The following SAMD14 variants were observed in gnomAD, a reference collection of about 807,000 sequenced individuals.
SAMD14 encodes the protein sterile alpha motif domain containing 14.
Under a neutral mutation model 46.2 loss-of-function variants are expected in SAMD14, and 27 were observed. The observed-to-expected ratio is 0.58, with a 90% CI of 0.43 to 0.81. The LOEUF is 0.81. Ranked by LOEUF, SAMD14 falls within the 30% of genes least tolerant of loss-of-function variation. The pLI, the probability that SAMD14 is intolerant of heterozygous loss-of-function variation, is 0.00. For missense variants in SAMD14, 559 were observed against 582.2 expected (o/e 0.96, Z 0.41); for synonymous variants, 241 against 254.3 (o/e 0.95, Z 0.50).
At chr17:50,127,907 C>T (rs1909409946) in intron 1 of SAMD14, among the ~76,000 whole-genome samples, 1 of 152,230 alleles carries the variant, frequency 6.6e-6, no homozygotes, top group Non-Finnish European at 1.5e-5. Context: ...CCTCCCTCCT[C>T]TCATTTGTCT....
chr17:50,115,601 T>G lies in SAMD14; in HGVS notation c.785A>C (p.Lys262Thr). 1.9e-6 allele frequency: 3 copies of G among 1,588,012 alleles called. No homozygotes were observed. Among genetic ancestry groups the G allele is most frequent in the Non-Finnish European group, 2.6e-6 (3 of 1,165,418 alleles). ...GSTTSPTCSP[K>T]HEGFSPKKSA... ...CTTCTTAGGGCTGAAGCCCTCGTGT[T>G]TAGGGGAGCAGGTGGGGGAGGTGGT... Residue 262 changes from lysine to threonine, a missense_variant, in exon 7 of 10, where the codon AAA becomes ACA. Lys to Thr is a moderately conservative substitution (Grantham distance 78). Coordinates refer to ENST00000330175, the MANE Select transcript of SAMD14 (RefSeq NM_001257359.2). This position sits in a 1 kb window ranked among gnomAD's most constrained non-coding sequence, Gnocchi z 5.3.
rs756522321 is a variant in SAMD14 at position 50,110,105 on chromosome 17, C to T, written c.*2788G>A. On this transcript the variant is annotated 3_prime_UTR_variant, in exon 10 of 10. Transcript: ENST00000330175. ...ACGTACCGCGTCAGCTAAGGGCCGC[C>T]GTGCATCTGCACCTGAGAGGACGGA... 6 of 1,594,028 alleles carry T rather than the reference C, an allele frequency of 3.8e-6. No individual in the cohort carries two copies. The highest frequency in any genetic ancestry group is 3.4e-5 in the South Asian group (3 of 88,840).
At chr17:50,122,188 A>T (rs1436187829) in intron 2 of SAMD14, among the ~76,000 whole-genome samples, 7 of 152,088 alleles carry the variant, frequency 4.6e-5, no homozygotes, top group Non-Finnish European at 8.8e-5. Context: ...GCCGCACCAC[A>T]CTACCATATG....
In SAMD14 at chr17:50,115,926, T is replaced by C. The variant is rs1392056930; in HGVS notation, c.588-22A>G. ...GACCCTGTGGGGAGGCAGCAGGAAG[T>C]GGGGCAGGGCTGCCCACTGTGCTAC... On this transcript the variant is annotated intron_variant, in intron 5 of 9. Coordinates refer to ENST00000330175, the MANE Select transcript of SAMD14 (RefSeq NM_001257359.2). The surrounding 1 kb of genome is among the most constrained non-coding windows in gnomAD (Gnocchi z 5.3). 6.2e-7 allele frequency: 1 copy of C among 1,612,830 alleles called. No individual in the cohort carries two copies. The highest frequency in any genetic ancestry group is 8.5e-7 in the Non-Finnish European group (1 of 1,179,476).
At position 50,112,970 on chromosome 17, in the gene SAMD14, C is replaced by G; in HGVS notation, c.1177G>C (p.Glu393Gln). The change falls in exon 10 of 10, where the codon GAG becomes CAG. Residue 393 changes from glutamate (E) to glutamine (Q), a missense_variant. Physicochemically the swap from Glu to Gln is conservative, Grantham distance 29. Coordinates refer to ENST00000330175, the MANE Select transcript of SAMD14 (RefSeq NM_001257359.2). ...LKEMAAAAEKERKAQEKAARQ... is the reference protein window; with the variant it reads ...LKEMAAAAEKQRKAQEKAARQ... Reference sequence around the variant, plus strand: ...GCAGCCTTCTCCTGGGCCTTGCGCTCCTTCTCGGCAGCTGCTGCCATCTCC... The same window carrying G: ...GCAGCCTTCTCCTGGGCCTTGCGCTGCTTCTCGGCAGCTGCTGCCATCTCC... 6.2e-7 allele frequency: 1 copy of G among 1,611,730 alleles called. No homozygotes were observed. Among genetic ancestry groups the G allele is most frequent in the Non-Finnish European group, 8.5e-7 (1 of 1,179,982 alleles).
In SAMD14 at chr17:50,112,081, G is replaced by A. The variant is rs1167055067; in HGVS notation, c.*812C>T. ...TTCCTGTTTGCTCAGCTCCCAAAGA[G>A]GACTTAGGTGCCCTCTGAGGAAGCA... On this transcript the variant is annotated 3_prime_UTR_variant, in exon 10 of 10. Transcript: ENST00000330175. 1 of 152,336 alleles carries A rather than the reference G, an allele frequency of 6.6e-6. No homozygotes were observed. Among genetic ancestry groups the A allele is most frequent in the Admixed American group, 6.5e-5 (1 of 15,280 alleles). 9.4% of individuals were successfully genotyped at this position (152,336 alleles called of 1,614,324 possible).
At position 50,113,689 on chromosome 17, in the gene SAMD14, C is replaced by T. The variant is rs1017405422; in HGVS notation, c.1098+235G>A. The T allele has an allele frequency of 1.4e-5, 8 of 558,958 alleles. No individual in the cohort carries two copies. The African/African-American group carries it at 1.5e-4, about 11-fold the overall frequency. The allele number at this position is 558,958 out of a possible 1,614,324, so 34.6% of individuals were successfully genotyped here. A position where few individuals can be genotyped will look rare whatever the true frequency, so the allele number is the denominator to read the frequency against. Reference sequence around the variant, plus strand: ...GACCAGGGCTGGAGCTTGAAGGTCACACTGAAGTCATGGACTAGAGTTTCA... The same window carrying T: ...GACCAGGGCTGGAGCTTGAAGGTCATACTGAAGTCATGGACTAGAGTTTCA... On this transcript the variant is annotated intron_variant, in intron 9 of 9. Coordinates refer to ENST00000330175, the MANE Select transcript of SAMD14 (RefSeq NM_001257359.2).
intron 2 of SAMD14, among the ~76,000 whole-genome samples, chr17:50,123,753 AAGCAGTGAGGAC>A (rs1212503431): frequency 2.6e-5 from 4 of 152,120 alleles, no homozygotes; most frequent in African/African-American, 9.7e-5. Flanking sequence ...TCACATCAGG[AAGCAGTGAGGAC>A]GCAGCTACCT....
In SAMD14 at chr17:50,114,044, C is replaced by T; in HGVS notation, c.978G>A (p.Trp326Ter). 6.2e-7 allele frequency: 1 copy of T among 1,613,576 alleles called. No individual in the cohort carries two copies. Among genetic ancestry groups the T allele is most frequent in the South Asian group, 1.1e-5 (1 of 91,066 alleles). The change falls in exon 9 of 10, where the codon TGG becomes TGA. Residue 326 changes from tryptophan (W) to a stop codon, truncating the protein, a stop_gained. Coordinates refer to ENST00000330175, the MANE Select transcript of SAMD14 (RefSeq NM_001257359.2). LOFTEE classifies it high-confidence loss of function. ...LDEPLPPVHH[W>*]TSQQVGQWLQ... ...GCCACTGGCCCACCTGCTGGCTGGT[C>T]CAGTGGTGGACAGGGGGGAGGGGTT... is the stretch of plus-strand genomic sequence containing the variant.
chr17:50,124,211 T>C (rs911362180), intron 2 of SAMD14: 4 of 456,026 alleles, frequency 8.8e-6, no homozygotes, highest in African/African-American at 8.0e-5. Context: ...GGTGGTTTCT[T>C]TCTCCAGTCC....
In SAMD14 at chr17:50,112,773, C is replaced by T. The variant is rs1000999192; in HGVS notation, c.*120G>A. The T allele has an allele frequency of 2.8e-5, 34 of 1,200,088 alleles. No individual in the cohort carries two copies. The highest frequency in any genetic ancestry group is 1.2e-4 in the Admixed American group (5 of 41,774). 74.3% of individuals were successfully genotyped at this position (1,200,088 alleles called of 1,614,324 possible). ...CAGGGTAAGAGAGAGCATGTCCCCC[C>T]TGAGAGCGTGGGACCAGGCTAGCCC... On this transcript the variant is annotated 3_prime_UTR_variant, in exon 10 of 10. Coordinates refer to ENST00000330175, the MANE Select transcript of SAMD14 (RefSeq NM_001257359.2).
At chr17:50,127,229 T>A (rs1911820741) in intron 1 of SAMD14, among the ~76,000 whole-genome samples, 1 of 152,162 alleles carries the variant, frequency 6.6e-6, no homozygotes, top group South Asian at 2.1e-4. Context: ...GGTGATGATC[T>A]TCAGTTTAGG....
At chr17:50,124,762 C>CGT (rs1491180346) in intron 2 of SAMD14, among the ~76,000 whole-genome samples, 155 bp downstream of exon 2, 4 of 73,554 alleles carry the variant, frequency 5.4e-5, no homozygotes, top group East Asian at 4.3e-4. Flanking sequence ...CACGCGTGCA[C>CGT]GCGCGCGCGC....
At chr17:50,113,831 G>A (rs1376982180) in intron 9 of SAMD14, 93 bp downstream of exon 9, 1 of 1,503,434 alleles carries the variant, frequency 6.7e-7, no homozygotes, top group Non-Finnish European at 9.1e-7. Context: ...AGGAGGCTGG[G>A]CTGAGGGTCA....
At chr17:50,127,004 G>A (rs1911807423) in intron 1 of SAMD14, among the ~76,000 whole-genome samples, 2 of 151,848 alleles carry the variant, frequency 1.3e-5, no homozygotes, top group African/African-American at 2.4e-5. Context: ...GGAGGCTGAG[G>A]CAGGAGAATC....
chr17:50,118,584 C>G (rs918733341), intron 2 of SAMD14, among the ~76,000 whole-genome samples: 11 of 152,224 alleles, frequency 7.2e-5, no homozygotes, highest in African/African-American at 2.7e-4. Flanking sequence ...GGAGGAACGG[C>G]AGCCCTGTTT....
Position 50,115,676 on chromosome 17 carries a change from G to A in SAMD14, c.710C>T (p.Pro237Leu). Reference protein sequence around the residue: ...SGRSGGSPFLPFSWFTDSGKG... With the variant: ...SGRSGGSPFLLFSWFTDSGKG... ...GCCGCTGTCCGTGAACCAGGAAAAA[G>A]GCAGGAACGGGGAGCCCCCTGACCT... The change falls in exon 7 of 10, where the codon CCT becomes CTT. Residue 237 changes from proline (P) to leucine (L), a missense_variant. Physicochemically the swap from Pro to Leu is moderately conservative, Grantham distance 98. Transcript: ENST00000330175. This position sits in a 1 kb window ranked among gnomAD's most constrained non-coding sequence, Gnocchi z 5.3. 1 of 1,607,976 alleles carries A rather than the reference G, an allele frequency of 6.2e-7. No individual in the cohort carries two copies.
In SAMD14 at chr17:50,124,969, G is replaced by C. The variant is rs901428003; in HGVS notation, c.-10C>G. 4.3e-6 allele frequency: 7 copies of C among 1,613,848 alleles called. No individual in the cohort carries two copies. Among genetic ancestry groups the C allele is most frequent in the South Asian group, 2.2e-5 (2 of 91,074 alleles). ...GCTTTGAAGAAGCCATGACTCAAGA[G>C]AGCTGGGAAGGACAAGAGGGGAGAG... On this transcript the variant is annotated splice_region_variant and 5_prime_UTR_variant, in exon 2 of 10. Transcript: ENST00000330175.
At chr17:50,126,368 T>G (rs1408019713) in intron 1 of SAMD14, among the ~76,000 whole-genome samples, 3 of 150,694 alleles carry the variant, frequency 2.0e-5, no homozygotes, top group African/African-American at 4.9e-5. Context: ...GCAGTGGCGC[T>G]ATCTTGGCTC....
Sources: gnomAD v4.1 joint callset for allele counts (sites outside exome capture counted in the v4.1 genomes callset) on GRCh38, gnomAD v4.1.1 for gene constraint, Gnocchi (gnomAD v3.1) non-coding constraint, MANE v1.5 for transcripts, NCBI Gene and HGNC (gene_info 2026-07-23, HGNC 2026-07-21) for gene names.